The following UQCC1 variants were observed in gnomAD, a reference collection of about 807,000 sequenced individuals.
UQCC1 encodes the protein ubiquinol-cytochrome c reductase complex assembly factor 1.
UQCC1 carries 38 observed loss-of-function variants against 48.0 expected under a neutral mutation model. The ratio of observed to expected loss-of-function variants is 0.79; its 90% confidence interval spans 0.61 to 1.04. UQCC1 has a LOEUF of 1.04. Ranked by LOEUF, UQCC1 falls within the 50% of genes least tolerant of loss-of-function variation. UQCC1 has a pLI of 0.00. For missense variants in UQCC1, 368 were observed against 381.8 expected (o/e 0.96, Z 0.30); for synonymous variants, 111 against 129.2 (o/e 0.86, Z 0.95).
chr20:35,321,216 G>A (rs919518173), intron 7 of UQCC1, among the ~76,000 whole-genome samples: 3 of 151,926 alleles, frequency 2.0e-5, no homozygotes, highest in Non-Finnish European at 4.4e-5. Flanking sequence ...GATCTATTGA[G>A]GGTCTTTTAG....
chr20:35,302,710 G>C lies in UQCC1; in HGVS notation c.*1225C>G, dbSNP rs2060884255. ...GTGCCCAGCTGTAATGAGTTACAAG[G>C]TGTTATTATCTCACACACACACAGG... is the stretch of plus-strand genomic sequence containing the variant. On this transcript the variant is annotated 3_prime_UTR_variant, in exon 10 of 10. Coordinates refer to ENST00000374385, the MANE Select transcript of UQCC1 (RefSeq NM_018244.5). 6.6e-6 allele frequency: 1 copy of C among 152,216 alleles called. No homozygotes were observed. The highest frequency in any genetic ancestry group is 2.1e-4 in the South Asian group (1 of 4,832). The allele number at this position is 152,216 out of a possible 1,614,324, so 9.4% of individuals were successfully genotyped here. A position where few individuals can be genotyped will look rare whatever the true frequency, so the allele number is the denominator to read the frequency against.
intron 5 of UQCC1, among the ~76,000 whole-genome samples, chr20:35,373,769 G>A (rs552021382): frequency 9.4e-4 from 142 of 151,438 alleles, no homozygotes; most frequent in African/African-American, 3.3e-3. Context: ...GTAAAAAGAT[G>A]CATGTGTGGA....
At chr20:35,369,201 T>G (rs1345381587) in intron 5 of UQCC1, among the ~76,000 whole-genome samples, 2 of 152,184 alleles carry the variant, frequency 1.3e-5, no homozygotes, top group Admixed American at 6.5e-5. Context: ...CCATTTCCCC[T>G]TCTGGGGTCA....
At chr20:35,409,248 C>A (rs1227878045) in intron 1 of UQCC1, 1 of 152,830 alleles carries the variant, frequency 6.5e-6, no homozygotes. Flanking sequence ...GCGGGCAGAT[C>A]ACCTGAGGTC....
At position 35,393,940 on chromosome 20, in the gene UQCC1, T is replaced by C. The variant is rs866315858; in HGVS notation, c.129+152A>G. 5 of 651,430 alleles carry C rather than the reference T, an allele frequency of 7.7e-6. 1 individual carries two copies. The highest frequency in any genetic ancestry group is 5.4e-6 in the Non-Finnish European group (2 of 370,968). 40.4% of individuals were successfully genotyped at this position (651,430 alleles called of 1,614,324 possible). On this transcript the variant is annotated intron_variant, in intron 2 of 9. Coordinates refer to ENST00000374385, the MANE Select transcript of UQCC1 (RefSeq NM_018244.5). The stretch of plus-strand genomic sequence containing the variant: ...AAGCAACGCCCTAGACACCATACTT[T>C]AGGAATCAGTCCTAAGTTGGCACCA...
chr20:35,331,048 C>T (rs964220902), intron 7 of UQCC1, among the ~76,000 whole-genome samples: 1 of 152,020 alleles, frequency 6.6e-6, no homozygotes, highest in Non-Finnish European at 1.5e-5. Flanking sequence ...GCCACAAACA[C>T]CTATCGAAAA....
intron 8 of UQCC1, among the ~76,000 whole-genome samples, chr20:35,309,409 G>C (rs1276820000): frequency 6.6e-6 from 1 of 151,978 alleles, no homozygotes; most frequent in Non-Finnish European, 1.5e-5. Flanking sequence ...CTCCAGCCTG[G>C]GCAACAGAGT....
intron 4 of UQCC1, among the ~76,000 whole-genome samples, chr20:35,376,185 G>A (rs1209244163): frequency 6.6e-6 from 1 of 151,376 alleles, no homozygotes; most frequent in Non-Finnish European, 1.5e-5. Flanking sequence ...GCAGGCGCCT[G>A]TAATCCCAGT....
chr20:35,405,520 C>G (rs1407431742), intron 1 of UQCC1, among the ~76,000 whole-genome samples: 1 of 152,148 alleles, frequency 6.6e-6, no homozygotes. Flanking sequence ...CTAAGAAAAC[C>G]CAGGCAGCAG....
At chr20:35,331,558 C>T (rs761998844) in intron 7 of UQCC1, among the ~76,000 whole-genome samples, 3 of 152,150 alleles carry the variant, frequency 2.0e-5, no homozygotes, top group Admixed American at 6.6e-5. Flanking sequence ...GGGCTCCAAA[C>T]ACTTCACACA....
At chr20:35,408,857 A>G in intron 1 of UQCC1, among the ~76,000 whole-genome samples, 1 of 146,572 alleles carries the variant, frequency 6.8e-6, no homozygotes, top group Non-Finnish European at 1.5e-5. Flanking sequence ...CCTATCTCCA[A>G]AAAAAAAAAA....
intron 1 of UQCC1, among the ~76,000 whole-genome samples, chr20:35,409,642 A>G (rs898910618): frequency 6.6e-6 from 1 of 152,220 alleles, no homozygotes; most frequent in Non-Finnish European, 1.5e-5. Context: ...AAGCATGTCC[A>G]GTTCCACTGA....
chr20:35,324,573 G>A (rs561688354), intron 7 of UQCC1, among the ~76,000 whole-genome samples: 5 of 152,226 alleles, frequency 3.3e-5, no homozygotes, highest in African/African-American at 7.2e-5. Context: ...TGATCTGCCC[G>A]CCTTGGCCTC....
At chr20:35,353,131 A>C (rs867287334) in intron 6 of UQCC1, among the ~76,000 whole-genome samples, 14 of 152,060 alleles carry the variant, frequency 9.2e-5, no homozygotes, top group African/African-American at 3.4e-4. Flanking sequence ...GGTTGGGAAC[A>C]GTGGCTCACA....
intron 7 of UQCC1, among the ~76,000 whole-genome samples, chr20:35,321,283 T>TGTGTGTGTGTGTGCGCGCGCGCGCGC (rs1389196330): frequency 7.1e-6 from 1 of 141,536 alleles, no homozygotes; most frequent in African/African-American, 2.9e-5. Flanking sequence ...TGTGTGTGTG[T>TGTGTGTGTGTGTGCGCGCGCGCGCGC]GCGCGCGCGC....
intron 9 of UQCC1, 88 bp from the exon 10 acceptor site, chr20:35,304,157 G>C: frequency 6.4e-7 from 1 of 1,563,956 alleles, no homozygotes; most frequent in Non-Finnish European, 8.7e-7. Context: ...CCAGAGGAGA[G>C]GAAGGAAGGG....
intron 1 of UQCC1, chr20:35,409,231 G>C (rs919448233): frequency 2.0e-5 from 3 of 152,776 alleles, no homozygotes; most frequent in Admixed American, 2.0e-4. Flanking sequence ...CACTTTGGGA[G>C]GCCAAGGCGG....
At chr20:35,345,957 A>G (rs1452789056) in intron 7 of UQCC1, 1 of 152,198 alleles carries the variant, frequency 6.6e-6, no homozygotes, top group African/African-American at 2.4e-5. Flanking sequence ...TAGATACACA[A>G]AATACACAAC....
intron 1 of UQCC1, among the ~76,000 whole-genome samples, chr20:35,396,030 G>C (rs2146519773): frequency 7.5e-6 from 1 of 133,294 alleles, no homozygotes; most frequent in African/African-American, 2.7e-5. Context: ...TGTCACCCAG[G>C]CTGGAATGCA....
Sources: allele counts gnomAD v4.1 joint callset (sites outside exome capture counted in the v4.1 genomes callset), GRCh38; gene constraint gnomAD v4.1.1; transcripts MANE v1.5; gene names NCBI Gene and HGNC (gene_info 2026-07-23, HGNC 2026-07-21).